Variants in THADA observed in about 807,000 individuals in gnomAD.
THADA encodes THADA armadillo repeat containing.
In THADA, 213 loss-of-function variants were observed where a neutral mutation model predicts 219.8. The ratio of observed to expected loss-of-function variants is 0.97; its 90% CI spans 0.87 to 1.09. The LOEUF (loss-of-function observed/expected upper bound fraction) is 1.09. Among genes scored for constraint, THADA ranks in the 50% least tolerant of loss-of-function variants. THADA has a pLI of 0.00. For missense variants in THADA, 2,956 were observed against 2,311.3 expected, an observed-to-expected ratio of 1.28 and a Z score of -5.72; for synonymous variants, 1,018 against 828.9, an observed-to-expected ratio of 1.23 and a Z score of -3.92.
At chr2:43,263,885 T>C (rs996960084) in intron 36 of THADA, among the ~76,000 whole-genome samples, 1 of 152,072 alleles carries the variant, frequency 6.6e-6, no homozygotes, top group Non-Finnish European at 1.5e-5. Flanking sequence ...ATGCTCTCCC[T>C]CCTCTCACCC....
At chr2:43,383,230 G>T (rs1672251158) in intron 29 of THADA, among the ~76,000 whole-genome samples, 1 of 152,164 alleles carries the variant, frequency 6.6e-6, no homozygotes, top group African/African-American at 2.4e-5. Context: ...AAAATTGGTT[G>T]TTGGAAAAGC....
chr2:43,330,457 G>A (rs1188921154), intron 30 of THADA, among the ~76,000 whole-genome samples: 2 of 152,166 alleles, frequency 1.3e-5, no homozygotes, highest in Non-Finnish European at 2.9e-5. Context: ...CCCTTGTGGA[G>A]GTGGCCGAAA....
In THADA at chr2:43,427,132, T is replaced by C. The variant is rs961431977; in HGVS notation, c.4058+968A>G. On this transcript the variant is annotated intron_variant, in intron 28 of 37. Coordinates refer to ENST00000405975, the MANE Select transcript of THADA (RefSeq NM_022065.5). ...ACGTAAAAGAGAAGACGAGTGGGAATTCATGCCACATGGCATTACCATTTA... is the reference window on the plus strand; with the variant it reads ...ACGTAAAAGAGAAGACGAGTGGGAACTCATGCCACATGGCATTACCATTTA... Among the ~76,000 whole-genome samples, 8 of 152,134 alleles carry C rather than the reference T, an allele frequency of 5.3e-5. No homozygotes were observed. The East Asian group carries it at 1.5e-3, about 29-fold the overall frequency.
At chr2:43,255,193 CT>C (rs907393491) in intron 36 of THADA, among the ~76,000 whole-genome samples, 1 of 152,142 alleles carries the variant, frequency 6.6e-6, no homozygotes, top group Non-Finnish European at 1.5e-5. Context: ...CCACATTCTT[CT>C]CTGAAAACAT....
intron 25 of THADA, among the ~76,000 whole-genome samples, chr2:43,487,999 A>G (rs535939368): frequency 3.3e-5 from 5 of 152,166 alleles, no homozygotes; most frequent in Non-Finnish European, 5.9e-5. Flanking sequence ...TTAATCATTT[A>G]CATCCTCAGA....
At chr2:43,537,544 T>C (rs1694765037) in intron 21 of THADA, among the ~76,000 whole-genome samples, 1 of 152,200 alleles carries the variant, frequency 6.6e-6, no homozygotes, top group Non-Finnish European at 1.5e-5. Flanking sequence ...AATTTAAGAC[T>C]TGTGAATAAA....
At chr2:43,585,316 C>G (rs183539812) in intron 7 of THADA, among the ~76,000 whole-genome samples, 115 of 147,254 alleles carry the variant, frequency 7.8e-4, no homozygotes, top group African/African-American at 2.8e-3. Context: ...TCAAGACTAG[C>G]CTGGGCATTA....
At chr2:43,393,170 A>G (rs150846831) in intron 29 of THADA, among the ~76,000 whole-genome samples, 1 of 152,318 alleles carries the variant, frequency 6.6e-6, no homozygotes, top group East Asian at 1.9e-4. Context: ...AGGGTACAAT[A>G]TACCTTTCAC....
chr2:43,559,673 G>C (rs1262384404), intron 16 of THADA, among the ~76,000 whole-genome samples: 1 of 152,174 alleles, frequency 6.6e-6, no homozygotes, highest in Non-Finnish European at 1.5e-5. Flanking sequence ...CCCCAAAGTG[G>C]GAAGAGCAAT....
intron 36 of THADA, among the ~76,000 whole-genome samples, chr2:43,260,071 C>G (rs1670768629): frequency 6.6e-6 from 1 of 152,094 alleles, no homozygotes; most frequent in African/African-American, 2.4e-5. Context: ...GCAGCCTATG[C>G]CTCCCGGGTT....
chr2:43,462,716 C>T lies in THADA; in HGVS notation c.3836+22518G>A, dbSNP rs535163438. On this transcript the variant is annotated intron_variant, in intron 26 of 37. Coordinates refer to ENST00000405975, the MANE Select transcript of THADA (RefSeq NM_022065.5). ...CACTGTGCCCTATGGTTGCCATTTG[C>T]GGGGATACAAAGATGAATTTGGCTT... Among the ~76,000 whole-genome samples, 9 of 152,126 alleles carry T rather than the reference C, an allele frequency of 5.9e-5. No individual in the cohort carries two copies. In the South Asian group the frequency reaches 8.3e-4, roughly 14 times the overall value.
At chr2:43,297,862 C>T (rs1450381899) in intron 31 of THADA, among the ~76,000 whole-genome samples, 1 of 111,600 alleles carries the variant, frequency 9.0e-6, no homozygotes, top group Non-Finnish European at 1.8e-5. Flanking sequence ...CCGCCCCGTC[C>T]GGGAGGTGAG....
Position 43,578,585 on chromosome 2 carries a change from C to G in THADA, c.744G>C (p.Gln248His). The G allele has an allele frequency of 1.2e-6, 2 of 1,611,450 alleles. No individual in the cohort carries two copies. The highest frequency in any genetic ancestry group is 1.7e-6 in the Non-Finnish European group (2 of 1,178,174). Residue 248 changes from glutamine (Q) to histidine (H), a missense_variant, in exon 9 of 38, where the codon CAG becomes CAC. Physicochemically the swap from Gln to His is conservative, Grantham distance 24. Transcript: ENST00000405975. The stretch of plus-strand genomic sequence containing the variant: ...GAATAATAGCTAATCCAGATGTGCT[C>G]TGTACAGTCTGTAACAGATCATCTA... ...LSDDDLLQTV[Q>H]STSGLAIILF...
intron 26 of THADA, among the ~76,000 whole-genome samples, chr2:43,480,765 T>A (rs1454363641): frequency 2.0e-5 from 3 of 150,448 alleles, no homozygotes; most frequent in African/African-American, 7.4e-5. Flanking sequence ...TTGCAGTGAG[T>A]TGAGATCCTG....
At chr2:43,462,919 G>A (rs750271203) in intron 26 of THADA, 1 of 152,178 alleles carries the variant, frequency 6.6e-6, no homozygotes, top group Non-Finnish European at 1.5e-5. Context: ...ATTTCCTAGG[G>A]AAGAAGCAAA....
At chr2:43,266,684 G>A (rs1159016087) in intron 36 of THADA, among the ~76,000 whole-genome samples, 1 of 152,188 alleles carries the variant, frequency 6.6e-6, no homozygotes, top group East Asian at 1.9e-4. Flanking sequence ...GTGGGTGAAA[G>A]GAGGAGTCTC....
chr2:43,593,357 C>A (rs1489456662), intron 1 of THADA, among the ~76,000 whole-genome samples: 1 of 152,160 alleles, frequency 6.6e-6, no homozygotes. Context: ...CTGCCAAAAA[C>A]CACAGAAGTC....
chr2:43,469,799 TAGAA>T (rs1684689835), intron 26 of THADA, among the ~76,000 whole-genome samples: 1 of 152,186 alleles, frequency 6.6e-6, no homozygotes, highest in South Asian at 2.1e-4. Flanking sequence ...AAAAGTTTCT[TAGAA>T]AGTGTTTTAA....
intron 26 of THADA, among the ~76,000 whole-genome samples, chr2:43,483,131 TG>T (rs1481416543): frequency 6.6e-6 from 1 of 152,162 alleles, no homozygotes; most frequent in East Asian, 1.9e-4. Flanking sequence ...GGACAATCTG[TG>T]GTTGTGAAAG....
Sources: gnomAD v4.1 joint callset for allele counts (sites outside exome capture counted in the v4.1 genomes callset) on GRCh38, gnomAD v4.1.1 for gene constraint, MANE v1.5 for transcripts, NCBI Gene and HGNC (gene_info 2026-07-23, HGNC 2026-07-21) for gene names.